The following ADAT3 variants were observed in gnomAD, a reference collection of about 807,000 sequenced individuals.
ADAT3 encodes adenosine deaminase tRNA specific 3.
A neutral mutation model predicts 3.5 loss-of-function variants in ADAT3; 2 were observed. The ratio of observed to expected loss-of-function variants is 0.57; its 90% CI spans 0.23 to 1.79. The LOEUF is 1.79. ADAT3 is among the 40% of genes most tolerant of loss of function. The probability of loss-of-function intolerance (pLI) is 0.18; values close to 1 mark genes in which losing one functional copy is unlikely to be tolerated. For synonymous variants in ADAT3, 358 were observed against 270.3 expected, an observed-to-expected ratio of 1.32 and a Z score of -3.18; for missense variants, 735 against 571.4, an observed-to-expected ratio of 1.29 and a Z score of -2.92.
intron 1 of ADAT3, chr19:1,906,866 T>TGGTTGTGTGTGTG (rs1555836653): frequency 7.7e-6 from 1 of 130,084 alleles, no homozygotes; most frequent in South Asian, 2.4e-4. Flanking sequence ...AAAAAAAAAA[T>TGGTTGTGTGTGTG]TGTGTGTGTG....
At chr19:1,909,392 G>C (rs1253626901) in intron 1 of ADAT3, among the ~76,000 whole-genome samples, 2 of 152,208 alleles carry the variant, frequency 1.3e-5, no homozygotes, top group South Asian at 4.1e-4. Context: ...GATCCCGAGA[G>C]CTGGGGGCCC....
chr19:1,905,406 G>T lies in ADAT3; in HGVS notation c.-192G>T, dbSNP rs12974606. The T allele has an allele frequency of 0.062, 28,734 of 463,970 alleles. 1,219 individuals are homozygous for T. Among genetic ancestry groups the T allele is most frequent in the Middle Eastern group, 0.14 (429 of 3,046 alleles). The allele number at this position is 463,970 out of a possible 1,614,324, so 28.7% of individuals were successfully genotyped here. ...TGGGCCGGGCCGGTTGCTAAGACTTGGCGAAGCGCTGCGCTCGCGCCCGGA... is the reference window on the plus strand; with the variant it reads ...TGGGCCGGGCCGGTTGCTAAGACTTTGCGAAGCGCTGCGCTCGCGCCCGGA... On this transcript the variant is annotated 5_prime_UTR_variant, in exon 1 of 2. Coordinates refer to ENST00000329478, the MANE Select transcript of ADAT3 (RefSeq NM_138422.4).
At position 1,908,262 on chromosome 19, in the gene ADAT3, C is replaced by T. The variant is rs1259412054; in HGVS notation, c.-159+2823C>T. On this transcript the variant is annotated intron_variant, in intron 1 of 1. Transcript: ENST00000329478. The surrounding 1 kb of genome is among the most constrained non-coding windows in gnomAD (Gnocchi z 4.2). ...CCTCCGCGCTTCCTGCTCCCGGCTCCCACTGCATCTCCGGTTCTGTGCTTT... is the reference window on the plus strand; with the variant it reads ...CCTCCGCGCTTCCTGCTCCCGGCTCTCACTGCATCTCCGGTTCTGTGCTTT... The T allele has an allele frequency of 3.5e-6, 1 of 283,122 alleles. No homozygotes were observed. Among genetic ancestry groups the T allele is most frequent in the Non-Finnish European group, 7.0e-6 (1 of 142,182 alleles). 17.5% of individuals were successfully genotyped at this position (283,122 alleles called of 1,614,324 possible). A position where few individuals can be genotyped will look rare whatever the true frequency, so the allele number is the denominator to read the frequency against.
Position 1,912,587 on chromosome 19 carries a change from C to G in ADAT3, c.540C>G (p.Leu180=). 1 of 1,494,648 alleles carries G rather than the reference C, an allele frequency of 6.7e-7. No homozygotes were observed. Among genetic ancestry groups the G allele is most frequent in the Non-Finnish European group, 8.9e-7 (1 of 1,128,864 alleles). The allele number at this position is 1,494,648 out of a possible 1,614,324, so 92.6% of individuals were successfully genotyped here. ...TGACCAGCGCCCTGGCTGGGCGGCT[C>G]TTCTCCACGCAGGAGCGCGCCGCCA... ...KQVTSALAGR[L]FSTQERAAMQ... Residue 180 remains leucine (L), a synonymous_variant, in exon 2 of 2, where the codon CTC becomes CTG. Coordinates refer to ENST00000329478, the MANE Select transcript of ADAT3 (RefSeq NM_138422.4).
rs1338593011 is a variant in ADAT3 at position 1,913,027 on chromosome 19, C to T, written c.980C>T (p.Pro327Leu). ...ARILRVFYGA[P>L]SPDGALGTRF... The stretch of plus-strand genomic sequence containing the variant: ...ATCCTGCGCGTCTTCTACGGTGCGC[C>T]CTCGCCCGACGGCGCCCTGGGCACC... Residue 327 changes from proline to leucine, a missense_variant, in exon 2 of 2, where the codon CCC becomes CTC. Pro to Leu is a moderately conservative substitution (Grantham distance 98). Coordinates refer to ENST00000329478, the MANE Select transcript of ADAT3 (RefSeq NM_138422.4). The T allele has an allele frequency of 3.1e-6, 5 of 1,605,018 alleles. No homozygotes were observed. The highest frequency in any genetic ancestry group is 3.4e-6 in the Non-Finnish European group (4 of 1,179,190).
At chr19:1,905,661 G>C (rs1046217307) in intron 1 of ADAT3, 1 of 158,796 alleles carries the variant, frequency 6.3e-6, no homozygotes, top group Non-Finnish European at 1.4e-5. Context: ...GCTGGCCTGG[G>C]GGAAGCCTCA....
Position 1,912,711 on chromosome 19 carries a change from CG to C in ADAT3, c.665del (p.Arg222ProfsTer81). The stretch of plus-strand genomic sequence containing the variant: ...CGTGGTAGTGGACCCGGCCTCGGAC[CG>C]CGTGCTGGCCACCGGCCACGACTGC... ...GAVVVDPASD[R>X]VLATGHDCSC... On this transcript the variant is annotated frameshift_variant, in exon 2 of 2. Transcript: ENST00000329478. LOFTEE classifies it low-confidence loss of function (END_TRUNC). 6.6e-7 allele frequency: 1 copy of C among 1,509,136 alleles called. No homozygotes were observed. The highest frequency in any genetic ancestry group is 2.7e-5 in the East Asian group (1 of 37,696). 93.5% of individuals were successfully genotyped at this position (1,509,136 alleles called of 1,614,324 possible).
intron 1 of ADAT3, among the ~76,000 whole-genome samples, chr19:1,910,051 C>T (rs1320346327): frequency 1.3e-5 from 2 of 152,350 alleles, no homozygotes; most frequent in East Asian, 1.9e-4. Flanking sequence ...CCACACTTGG[C>T]ATGCTTGCTT....
Position 1,912,016 on chromosome 19 carries a change from C to T in ADAT3, c.-32C>T, listed in dbSNP as rs1048205973. 7 of 1,419,546 alleles carry T rather than the reference C, an allele frequency of 4.9e-6. No homozygotes were observed. The African/African-American group carries it at 8.9e-5, about 18-fold the overall frequency. 87.9% of individuals were successfully genotyped at this position (1,419,546 alleles called of 1,614,324 possible). A position where few individuals can be genotyped will look rare whatever the true frequency, so the allele number is the denominator to read the frequency against. Reference sequence around the variant, plus strand: ...GCCACGGCCTCCCGGGACGGACTCCCCGGCTCTCCCCCAGCCGCCCGCAGC... The same window carrying T: ...GCCACGGCCTCCCGGGACGGACTCCTCGGCTCTCCCCCAGCCGCCCGCAGC... On this transcript the variant is annotated 5_prime_UTR_variant, in exon 2 of 2. Coordinates refer to ENST00000329478, the MANE Select transcript of ADAT3 (RefSeq NM_138422.4).
rs1244611880 is a variant in ADAT3, at chr19:1,912,644, G to A, written c.597G>A (p.Ala199=). The A allele has an allele frequency of 2.8e-6, 4 of 1,423,964 alleles. No individual in the cohort carries two copies. Among genetic ancestry groups the A allele is most frequent in the Non-Finnish European group, 3.6e-6 (4 of 1,098,438 alleles). 88.2% of individuals were successfully genotyped at this position (1,423,964 alleles called of 1,614,324 possible). A position where few individuals can be genotyped will look rare whatever the true frequency, so the allele number is the denominator to read the frequency against. The change falls in exon 2 of 2, where the codon GCG becomes GCA. Residue 199 remains alanine (A), a synonymous_variant. Transcript: ENST00000329478. ...MQSHMERAVW[A]ARRAAARGLR... ...GCCACATGGAGCGGGCGGTGTGGGC[G>A]GCCCGGCGGGCAGCAGCGCGGGGCT...
Position 1,905,455 on chromosome 19 carries a change from C to T in ADAT3, c.-159+16C>T, listed in dbSNP as rs1345614603. On this transcript the variant is annotated intron_variant, in intron 1 of 1. Transcript: ENST00000329478. Reference sequence around the variant, plus strand: ...GATCCCTCAGGTAAGCGCGCGGCCCCGAGGTCTCGGGTTCTCCAGGCTCAG... The same window carrying T: ...GATCCCTCAGGTAAGCGCGCGGCCCTGAGGTCTCGGGTTCTCCAGGCTCAG... 8.7e-6 allele frequency: 4 copies of T among 458,270 alleles called. 1 individual carries two copies. Among genetic ancestry groups the T allele is most frequent in the East Asian group, 7.7e-5 (1 of 12,980 alleles). The allele number at this position is 458,270 out of a possible 1,614,324, so 28.4% of individuals were successfully genotyped here.
chr19:1,908,452 G>A lies in ADAT3; in HGVS notation c.-159+3013G>A, dbSNP rs760704476. 6.2e-5 allele frequency: 29 copies of A among 470,088 alleles called. No homozygotes were observed. The highest frequency in any genetic ancestry group is 2.8e-4 in the Admixed American group (12 of 42,506). The allele number at this position is 470,088 out of a possible 1,614,324, so 29.1% of individuals were successfully genotyped here. A position where few individuals can be genotyped will look rare whatever the true frequency, so the allele number is the denominator to read the frequency against. On this transcript the variant is annotated intron_variant, in intron 1 of 1. Coordinates refer to ENST00000329478, the MANE Select transcript of ADAT3 (RefSeq NM_138422.4). This position sits in a 1 kb window ranked among gnomAD's most constrained non-coding sequence, Gnocchi z 4.2. ...CGAGGAGTAGCACCCACAGCTGCGC[G>A]GCTGCGAAATGATCCAGAGACACAT...
rs1326571672 is a variant in ADAT3, at chr19:1,912,711, C to T, written c.664C>T (p.Arg222Cys). Reference protein sequence around the residue: ...GAVVVDPASDRVLATGHDCSC... With the variant: ...GAVVVDPASDCVLATGHDCSC... The stretch of plus-strand genomic sequence containing the variant: ...CGTGGTAGTGGACCCGGCCTCGGAC[C>T]GCGTGCTGGCCACCGGCCACGACTG... Residue 222 changes from arginine to cysteine, a missense_variant, in exon 2 of 2, where the codon CGC (arginine) becomes TGC (cysteine). Coordinates refer to ENST00000329478, the MANE Select transcript of ADAT3 (RefSeq NM_138422.4). 1.3e-5 allele frequency: 20 copies of T among 1,509,136 alleles called. No individual in the cohort carries two copies. The highest frequency in any genetic ancestry group is 2.7e-5 in the East Asian group (1 of 37,696). The allele number at this position is 1,509,136 out of a possible 1,614,324, so 93.5% of individuals were successfully genotyped here. A position where few individuals can be genotyped will look rare whatever the true frequency, so the allele number is the denominator to read the frequency against.
At chr19:1,907,462 G>T (rs1343052284) in intron 1 of ADAT3, among the ~76,000 whole-genome samples, 1 of 152,036 alleles carries the variant, frequency 6.6e-6, no homozygotes, top group African/African-American at 2.4e-5. Context: ...GAGGAGTCAG[G>T]ACTGGTGCCT....
rs540777845 is a variant in ADAT3, at chr19:1,912,305, C to T, written c.258C>T (p.Pro86=). The part of the protein sequence containing the change: ...LKEVSALHPL[P]AQPHLKRVRP... ...AGGTGTCGGCCCTGCACCCGCTCCC[C>T]GCCCAGCCTCACCTCAAGCGGGTGC... The change falls in exon 2 of 2, where the codon CCC becomes CCT. Residue 86 remains proline (P), a synonymous_variant. Coordinates refer to ENST00000329478, the MANE Select transcript of ADAT3 (RefSeq NM_138422.4). The T allele has an allele frequency of 1.1e-4, 168 of 1,560,738 alleles. No homozygotes were observed. In the East Asian group the frequency reaches 3.9e-3, roughly 36 times the overall value.
Position 1,912,964 on chromosome 19 carries a change from C to T in ADAT3, c.917C>T (p.Pro306Leu). The change falls in exon 2 of 2, where the codon CCC (proline) becomes CTC (leucine). Residue 306 changes from proline (P) to leucine (L), a missense_variant. Physicochemically the swap from Pro to Leu is moderately conservative, Grantham distance 98. Transcript: ENST00000329478. ...TGYDLYVTRE[P>L]CAMCAMALVH... Reference sequence around the variant, plus strand: ...TACGACCTGTACGTGACCCGCGAGCCCTGCGCCATGTGCGCCATGGCCCTG... The same window carrying T: ...TACGACCTGTACGTGACCCGCGAGCTCTGCGCCATGTGCGCCATGGCCCTG... 1 of 1,610,222 alleles carries T rather than the reference C, an allele frequency of 6.2e-7. No homozygotes were observed. Among genetic ancestry groups the T allele is most frequent in the Non-Finnish European group, 8.5e-7 (1 of 1,179,368 alleles).
In ADAT3 at chr19:1,905,430, G is replaced by T. The variant is rs1489771224; in HGVS notation, c.-168G>T. 1 of 463,874 alleles carries T rather than the reference G, an allele frequency of 2.2e-6. No individual in the cohort carries two copies. Among genetic ancestry groups the T allele is most frequent in the Non-Finnish European group, 4.5e-6 (1 of 223,932 alleles). 28.7% of individuals were successfully genotyped at this position (463,874 alleles called of 1,614,324 possible). On this transcript the variant is annotated 5_prime_UTR_variant, in exon 1 of 2. Coordinates refer to ENST00000329478, the MANE Select transcript of ADAT3 (RefSeq NM_138422.4). ...TGGCGAAGCGCTGCGCTCGCGCCCGGATCCCTCAGGTAAGCGCGCGGCCCC... is the reference window on the plus strand; with the variant it reads ...TGGCGAAGCGCTGCGCTCGCGCCCGTATCCCTCAGGTAAGCGCGCGGCCCC...
Position 1,908,319 on chromosome 19 carries a change from G to A in ADAT3, c.-159+2880G>A. 1 of 352,564 alleles carries A rather than the reference G, an allele frequency of 2.8e-6. No individual in the cohort carries two copies. 21.8% of individuals were successfully genotyped at this position (352,564 alleles called of 1,614,324 possible). ...CGCGTGAGCTTCGGGCAGCGCTGGG[G>A]CCGCTTCAGCGTGACCTCCAAGGCC... On this transcript the variant is annotated intron_variant, in intron 1 of 1. Coordinates refer to ENST00000329478, the MANE Select transcript of ADAT3 (RefSeq NM_138422.4). This position sits in a 1 kb window ranked among gnomAD's most constrained non-coding sequence, Gnocchi z 4.2.
Position 1,912,861 on chromosome 19 carries a change from G to GC in ADAT3, c.820dup (p.Gln274ProfsTer10), listed in dbSNP as rs775575809. On this transcript the variant is annotated frameshift_variant, in exon 2 of 2. Coordinates refer to ENST00000329478, the MANE Select transcript of ADAT3 (RefSeq NM_138422.4). LOFTEE classifies it low-confidence loss of function (END_TRUNC). ...CGCCTGCTCCTTCGCCCCGGCCGCT[G>GC]CCCCCCAGGCCGTCCGCGCAGGCGC... 73 of 1,598,712 alleles carry GC rather than the reference G, an allele frequency of 4.6e-5. No homozygotes were observed. The highest frequency in any genetic ancestry group is 1.1e-4 in the South Asian group (10 of 90,756).
Sources: allele counts gnomAD v4.1 joint callset (sites outside exome capture counted in the v4.1 genomes callset), GRCh38; gene constraint gnomAD v4.1.1; non-coding constraint Gnocchi (gnomAD v3.1); transcripts MANE v1.5; gene names NCBI Gene and HGNC (gene_info 2026-07-23, HGNC 2026-07-21).